The following CNTN5 variants were observed in gnomAD, a reference collection of about 807,000 sequenced individuals.
The protein encoded by CNTN5 is contactin 5, also known as contactin-5.
CNTN5 carries 77 observed loss-of-function variants against 129.1 expected under a neutral mutation model. The observed-to-expected ratio is 0.60, with a 90% CI of 0.50 to 0.72. The LOEUF (loss-of-function observed/expected upper bound fraction) is 0.72, where lower values mean the gene tolerates loss of function less well. CNTN5 is among the 30% of genes least tolerant of loss of function. The probability of loss-of-function intolerance (pLI) is 0.00; values close to 1 mark genes in which losing one functional copy is unlikely to be tolerated. For synonymous variants in CNTN5, 509 were observed against 465.6 expected, an observed-to-expected ratio of 1.09 and a Z score of -1.20; for missense variants, 1,478 against 1,328.8, an observed-to-expected ratio of 1.11 and a Z score of -1.75.
chr11:100,109,756 T>C (rs1042708375), intron 13 of CNTN5, among the ~76,000 whole-genome samples: 1 of 152,162 alleles, frequency 6.6e-6, no homozygotes, highest in African/African-American at 2.4e-5. Context: ...CCTAACAATG[T>C]AGGATGTGAC....
At chr11:99,379,992 G>C (rs952836495) in intron 2 of CNTN5, among the ~76,000 whole-genome samples, 4 of 151,896 alleles carry the variant, frequency 2.6e-5, no homozygotes, top group African/African-American at 9.7e-5. Context: ...GTGTATATAT[G>C]CGTGTGTGTG....
chr11:99,387,713 A>T (rs1027664458), intron 2 of CNTN5, among the ~76,000 whole-genome samples: 1 of 151,788 alleles, frequency 6.6e-6, no homozygotes, highest in Non-Finnish European at 1.5e-5. Flanking sequence ...GGACCCTCTG[A>T]CTCCATCTTC....
chr11:99,397,527 A>G (rs1316246470), intron 2 of CNTN5, among the ~76,000 whole-genome samples: 1 of 151,728 alleles, frequency 6.6e-6, no homozygotes, highest in Non-Finnish European at 1.5e-5. Context: ...CTATCTACCT[A>G]TCTATCTAAT....
chr11:99,021,533 A>C (rs1482763477), intron 1 of CNTN5, among the ~76,000 whole-genome samples: 4 of 152,202 alleles, frequency 2.6e-5, no homozygotes, highest in Non-Finnish European at 5.9e-5. Context: ...CACCCAAAAT[A>C]AGAGTAAGCA....
At chr11:99,796,627 G>C (rs1798292734) in intron 3 of CNTN5, among the ~76,000 whole-genome samples, 1 of 151,878 alleles carries the variant, frequency 6.6e-6, no homozygotes, top group African/African-American at 2.4e-5. Flanking sequence ...TGAAACTCCA[G>C]GTGAGGCCAG....
chr11:100,315,344 A>C (rs1951555184), intron 21 of CNTN5, among the ~76,000 whole-genome samples: 1 of 152,216 alleles, frequency 6.6e-6, no homozygotes, highest in Non-Finnish European at 1.5e-5. Flanking sequence ...CAAGTACATG[A>C]AACAATTCAA....
intron 1 of CNTN5, among the ~76,000 whole-genome samples, chr11:99,101,760 C>T (rs1038027750): frequency 1.3e-5 from 2 of 152,156 alleles, no homozygotes; most frequent in African/African-American, 4.8e-5. Context: ...ACCCCTTTCA[C>T]AAATCGGCAT....
At position 100,078,384 on chromosome 11, in the gene CNTN5, A is replaced by G. The variant is rs562592274; in HGVS notation, c.1580+4090A>G. On this transcript the variant is annotated intron_variant, in intron 13 of 24. Coordinates refer to ENST00000524871, the MANE Select transcript of CNTN5 (RefSeq NM_014361.4). ...TCATTCATTTGGCCCTAAATGATAC[A>G]ACTAAAATATACAAGAAAATGGATT... Among the ~76,000 whole-genome samples, 5 of 152,322 alleles carry G rather than the reference A, an allele frequency of 3.3e-5. No individual in the cohort carries two copies. The East Asian group carries it at 9.6e-4, about 29-fold the overall frequency.
chr11:99,177,735 C>T (rs545238908), intron 1 of CNTN5, among the ~76,000 whole-genome samples: 1 of 152,242 alleles, frequency 6.6e-6, no homozygotes, highest in African/African-American at 2.4e-5. Context: ...AAGGAACTTT[C>T]TACAGTGGCC....
At chr11:99,308,570 A>G (rs952420523) in intron 1 of CNTN5, among the ~76,000 whole-genome samples, 3 of 152,198 alleles carry the variant, frequency 2.0e-5, no homozygotes, top group South Asian at 2.1e-4. Flanking sequence ...AAAAGAAAAT[A>G]TTAAAATACC....
intron 10 of CNTN5, among the ~76,000 whole-genome samples, chr11:100,065,657 G>T (rs7126331): frequency 6.6e-6 from 1 of 151,754 alleles, no homozygotes; most frequent in African/African-American, 2.4e-5. Context: ...GTGACACCAG[G>T]ATTCAAATCC....
intron 18 of CNTN5, among the ~76,000 whole-genome samples, chr11:100,295,508 A>T (rs888505178): frequency 2.0e-5 from 3 of 151,424 alleles, no homozygotes; most frequent in East Asian, 1.9e-4. Context: ...TTGTTTTTTT[A>T]AAAATAAAAG....
intron 1 of CNTN5, among the ~76,000 whole-genome samples, chr11:99,108,390 C>A (rs1857621530): frequency 1.3e-5 from 2 of 151,988 alleles, no homozygotes; most frequent in South Asian, 2.1e-4. Context: ...GCCATAGGAA[C>A]GTTGACAATA....
At chr11:100,047,202 T>G (rs1201448175) in intron 9 of CNTN5, among the ~76,000 whole-genome samples, 1 of 151,964 alleles carries the variant, frequency 6.6e-6, no homozygotes, top group Non-Finnish European at 1.5e-5. Context: ...GAGCCAGATA[T>G]TGAACTGGGT....
intron 3 of CNTN5, among the ~76,000 whole-genome samples, chr11:99,639,975 G>T (rs113285104): frequency 1.3e-5 from 2 of 152,062 alleles, no homozygotes; most frequent in Non-Finnish European, 2.9e-5. Flanking sequence ...ACAAAATGCC[G>T]CCAGTCTCTT....
At chr11:100,046,889 C>T (rs770200984) in intron 9 of CNTN5, among the ~76,000 whole-genome samples, 2 of 151,462 alleles carry the variant, frequency 1.3e-5, no homozygotes, top group African/African-American at 2.4e-5. Flanking sequence ...AACCATTATC[C>T]TAGTGTTTTT....
chr11:99,419,907 C>G (rs185570992), intron 2 of CNTN5, among the ~76,000 whole-genome samples: 6 of 151,970 alleles, frequency 3.9e-5, no homozygotes, highest in Non-Finnish European at 8.8e-5. Flanking sequence ...TCAGCAAACA[C>G]CATGTATCTA....
At chr11:99,507,366 A>T (rs1591182321) in intron 2 of CNTN5, among the ~76,000 whole-genome samples, 1 of 122,368 alleles carries the variant, frequency 8.2e-6, no homozygotes, top group Admixed American at 9.6e-5. Context: ...ACAAAAGGAG[A>T]CTCTGTCTCA....
intron 8 of CNTN5, among the ~76,000 whole-genome samples, chr11:99,982,640 T>C (rs1193298459): frequency 6.6e-6 from 1 of 152,094 alleles, no homozygotes; most frequent in African/African-American, 2.4e-5. Flanking sequence ...TTATTTTTTA[T>C]GTATTTGTGT....
Sources: allele counts gnomAD v4.1 joint callset (sites outside exome capture counted in the v4.1 genomes callset), GRCh38; gene constraint gnomAD v4.1.1; transcripts MANE v1.5; gene names NCBI Gene and HGNC (gene_info 2026-07-23, HGNC 2026-07-21).